TYR: variants seen among roughly 807,000 people sequenced by gnomAD.
TYR encodes the protein tyrosinase.
In TYR, 58 loss-of-function variants were observed where a neutral mutation model predicts 51.5. That is an observed-to-expected ratio of 1.13 (90% CI 0.91 to 1.40). The LOEUF is 1.40. TYR is among the 40% of genes most tolerant of loss of function. TYR has a pLI of 0.00. For missense variants in TYR, 732 were observed against 647.4 expected (o/e 1.13, Z -1.42); for synonymous variants, 263 against 235.2 (o/e 1.12, Z -1.08).
chr11:89,294,147 G>A (rs1944879676), intron 4 of TYR: 1 of 154,280 alleles, frequency 6.5e-6, no homozygotes, highest in Admixed American at 6.5e-5. Context: ...TTCAGGAAAT[G>A]CTCCACCTTC....
chr11:89,210,278 A>T (rs1460490748), intron 2 of TYR, among the ~76,000 whole-genome samples: 1 of 152,220 alleles, frequency 6.6e-6, no homozygotes. Flanking sequence ...AGCTTAAATG[A>T]CCTGCTGGAG....
chr11:89,255,396 A>G (rs7940773), intron 3 of TYR, among the ~76,000 whole-genome samples: 4,644 of 151,428 alleles, frequency 0.031, 250 homozygotes, highest in African/African-American at 0.1. Context: ...GACCTGTCTA[A>G]TGAAAAATAA....
intron 4 of TYR, among the ~76,000 whole-genome samples, chr11:89,287,067 G>C (rs1167278450): frequency 1.3e-5 from 2 of 151,612 alleles, no homozygotes; most frequent in Non-Finnish European, 2.9e-5. Context: ...TATACTTATA[G>C]TGATGTTTAC....
At chr11:89,201,751 C>T (rs934377933) in intron 2 of TYR, among the ~76,000 whole-genome samples, 7 of 152,212 alleles carry the variant, frequency 4.6e-5, no homozygotes, top group Admixed American at 2.0e-4. Flanking sequence ...ATAGTTTTGA[C>T]ATTGCAAATC....
At chr11:89,213,730 G>T (rs1943794063) in intron 2 of TYR, among the ~76,000 whole-genome samples, 1 of 152,080 alleles carries the variant, frequency 6.6e-6, no homozygotes, top group South Asian at 2.1e-4. Flanking sequence ...CATGACACTG[G>T]TACCAAAACA....
At chr11:89,241,328 G>A (rs557835835) in intron 3 of TYR, among the ~76,000 whole-genome samples, 1 of 152,216 alleles carries the variant, frequency 6.6e-6, no homozygotes, top group East Asian at 1.9e-4. Flanking sequence ...TGTCTACCCT[G>A]TGGATCCTCC....
At chr11:89,265,487 T>G (rs1198336509) in intron 3 of TYR, among the ~76,000 whole-genome samples, 1 of 152,092 alleles carries the variant, frequency 6.6e-6, no homozygotes, top group East Asian at 1.9e-4. Flanking sequence ...TTACTACTAA[T>G]CACTTGGAGA....
chr11:89,209,325 C>A (rs774141486), intron 2 of TYR, among the ~76,000 whole-genome samples: 1 of 152,214 alleles, frequency 6.6e-6, no homozygotes, highest in Non-Finnish European at 1.5e-5. Context: ...GCCCACAGAG[C>A]CTTGTTCACT....
intron 1 of TYR, among the ~76,000 whole-genome samples, chr11:89,182,483 A>G (rs1943314396): frequency 6.6e-6 from 1 of 152,178 alleles, no homozygotes; most frequent in African/African-American, 2.4e-5. Flanking sequence ...GCGTGTGTGC[A>G]TGCAAAGAAA....
intron 2 of TYR, 130 bp downstream of exon 2, chr11:89,191,548 T>TA (rs1943446685): frequency 1.2e-6 from 1 of 846,350 alleles, no homozygotes; most frequent in African/African-American, 1.7e-5. Context: ...TGTATATACT[T>TA]ATATCGACAA....
chr11:89,242,301 G>A (rs370895790), intron 3 of TYR, among the ~76,000 whole-genome samples: 23 of 152,162 alleles, frequency 1.5e-4, no homozygotes, highest in Middle Eastern at 3.4e-3. Context: ...TCCACCTCCC[G>A]GGTTCAAGTG....
chr11:89,270,089 A>C (rs1944571421), intron 3 of TYR, among the ~76,000 whole-genome samples: 1 of 151,862 alleles, frequency 6.6e-6, no homozygotes, highest in African/African-American at 2.4e-5. Context: ...AATATTGACT[A>C]ATTACCTTTC....
chr11:89,279,820 T>C (rs1384135820), intron 3 of TYR, among the ~76,000 whole-genome samples: 4 of 151,764 alleles, frequency 2.6e-5, no homozygotes, highest in South Asian at 2.1e-4. Context: ...GTTTTTATAC[T>C]GCACTCTTTG....
chr11:89,282,233 G>A (rs1330164082), intron 3 of TYR, among the ~76,000 whole-genome samples: 2 of 151,704 alleles, frequency 1.3e-5, no homozygotes, highest in South Asian at 2.1e-4. Context: ...AATTTTTCTC[G>A]ATTGACAAAA....
chr11:89,216,567 C>T (rs376850812), intron 2 of TYR, among the ~76,000 whole-genome samples: 4 of 145,750 alleles, frequency 2.7e-5, no homozygotes, highest in South Asian at 2.2e-4. Context: ...GCTGGAGAAT[C>T]GCTTGAACCC....
chr11:89,227,261 G>A (rs1943988020), intron 2 of TYR, among the ~76,000 whole-genome samples: 1 of 152,060 alleles, frequency 6.6e-6, no homozygotes. Context: ...ATTTATTGGA[G>A]TTCTGAATAT....
intron 3 of TYR, among the ~76,000 whole-genome samples, chr11:89,245,830 G>C (rs1944259552): frequency 6.6e-6 from 1 of 151,938 alleles, no homozygotes; most frequent in Admixed American, 6.6e-5. Context: ...GCTGAGGCAG[G>C]AGAATGGAGT....
chr11:89,247,731 C>T (rs113168667), intron 3 of TYR, among the ~76,000 whole-genome samples: 10 of 152,264 alleles, frequency 6.6e-5, no homozygotes, highest in African/African-American at 1.7e-4. Context: ...TTCTGCAAAG[C>T]GGAGGGAAGA....
rs550995715 is a variant in TYR at position 89,258,756 on chromosome 11, C to T, written c.1185-26017C>T. Among the ~76,000 whole-genome samples, 319 of 152,126 alleles carry T rather than the reference C, an allele frequency of 2.1e-3. 1 individual carries two copies. The highest frequency in any genetic ancestry group is 6.6e-3 in the African/African-American group (276 of 41,534). On this transcript the variant is annotated intron_variant, in intron 3 of 4. Transcript: ENST00000263321. The stretch of plus-strand genomic sequence containing the variant: ...AAGCCTTTGCATAGGTTCAACAATA[C>T]GGCTTTCTTCCTTCCAAAGGCTGAC...
Sources: allele counts gnomAD v4.1 joint callset (sites outside exome capture counted in the v4.1 genomes callset), GRCh38; gene constraint gnomAD v4.1.1; transcripts MANE v1.5; gene names NCBI Gene and HGNC (gene_info 2026-07-23, HGNC 2026-07-21).